The following NUP205 variants were observed in gnomAD, a reference collection of about 807,000 sequenced individuals.
NUP205 encodes the protein nucleoporin 205, also known as nuclear pore complex protein Nup205.
In NUP205, 76 loss-of-function variants were observed where a neutral mutation model predicts 253.8. The ratio of observed to expected loss-of-function variants is 0.30; its 90% CI spans 0.25 to 0.36. NUP205 has a LOEUF of 0.36. Among genes scored for constraint, NUP205 ranks in the 10% least tolerant of loss-of-function variants. The probability of loss-of-function intolerance (pLI) is 1.00; values close to 1 mark genes in which losing one functional copy is unlikely to be tolerated. For missense variants in NUP205, 2,162 were observed against 2,425.5 expected (o/e 0.89, Z 2.28); for synonymous variants, 832 against 850.1 (o/e 0.98, Z 0.37).
Position 135,637,951 on chromosome 7 carries a change from A to G in NUP205, c.5157A>G (p.Leu1719=), listed in dbSNP as rs767918648. 1.2e-6 allele frequency: 2 copies of G among 1,613,986 alleles called. No homozygotes were observed. The highest frequency in any genetic ancestry group is 1.7e-6 in the Non-Finnish European group (2 of 1,179,916). The change falls in exon 37 of 43, where the codon CTA becomes CTG. Residue 1719 remains leucine (L), a synonymous_variant. Transcript: ENST00000285968. ...GTTAGCGCCAGTGCTTAGGACTACT[A>G]AGTCGCTTTGGTGGCTCTGACAGAC... ...GRFQRQCLGL[L]SRFGGSDRLR... is the part of the protein sequence containing the mutation.
At chr7:135,558,551 T>G (rs1160842911) in intron 1 of NUP205, among the ~76,000 whole-genome samples, 2 of 152,262 alleles carry the variant, frequency 1.3e-5, no homozygotes, top group Admixed American at 1.3e-4. Context: ...GCTGTAGATT[T>G]TCGGGGTGGA....
chr7:135,647,025 C>T (rs1400735682), intron 42 of NUP205, among the ~76,000 whole-genome samples: 1 of 152,188 alleles, frequency 6.6e-6, no homozygotes, highest in African/African-American at 2.4e-5. Context: ...AATACAAATC[C>T]CGCCGTCATA....
chr7:135,638,912 A>G (rs1413895122), intron 38 of NUP205, among the ~76,000 whole-genome samples: 1 of 152,220 alleles, frequency 6.6e-6, no homozygotes, highest in East Asian at 1.9e-4. Flanking sequence ...TAGAGGAACC[A>G]TGTTTTGAAT....
intron 1 of NUP205, among the ~76,000 whole-genome samples, chr7:135,570,066 G>T (rs934185568): frequency 2.3e-3 from 338 of 147,476 alleles, no homozygotes; most frequent in Non-Finnish European, 3.0e-3. Context: ...GAGAGAGAGA[G>T]AGAGAGAGAG....
At chr7:135,561,916 C>G (rs1364523696) in intron 1 of NUP205, among the ~76,000 whole-genome samples, 1 of 147,042 alleles carries the variant, frequency 6.8e-6, no homozygotes, top group African/African-American at 2.6e-5. Flanking sequence ...TCCTTCCTTC[C>G]CTCCTTCCTT....
Position 135,577,065 on chromosome 7 carries a change from G to A in NUP205, c.585G>A (p.Val195=), listed in dbSNP as rs562271265. ...TTACGCTGGTGTCACAGATTGATGT[G>A]AATAATGAGTTTGAGAAACTACAGC... ...KVLTLVSQID[V]NNEFEKLQRE... is the part of the protein sequence containing the mutation. The change falls in exon 5 of 43, where the codon GTG becomes GTA. Residue 195 remains valine, a synonymous_variant. Transcript: ENST00000285968. The A allele has an allele frequency of 3.7e-6, 6 of 1,614,042 alleles. No individual in the cohort carries two copies. The South Asian group carries it at 6.6e-5, about 18-fold the overall frequency.
At chr7:135,637,322 G>A (rs1354754475) in intron 36 of NUP205, among the ~76,000 whole-genome samples, 3 of 152,146 alleles carry the variant, frequency 2.0e-5, no homozygotes, top group Non-Finnish European at 2.9e-5. Flanking sequence ...GAAAGCCATC[G>A]GCTAACCTCT....
At chr7:135,582,252 T>C (rs1806327222) in intron 7 of NUP205, among the ~76,000 whole-genome samples, 1 of 152,160 alleles carries the variant, frequency 6.6e-6, no homozygotes, top group African/African-American at 2.4e-5. Context: ...ACCACTGCAC[T>C]CCAGCCTGGG....
At chr7:135,559,194 A>G (rs578073318) in intron 1 of NUP205, among the ~76,000 whole-genome samples, 1 of 152,334 alleles carries the variant, frequency 6.6e-6, no homozygotes, top group Admixed American at 6.5e-5. Context: ...TTAGGTGCTT[A>G]AACTACTTAG....
intron 14 of NUP205, 71 bp from the exon 15 acceptor site, chr7:135,597,927 G>A (rs1379223873): frequency 8.6e-7 from 1 of 1,162,652 alleles, no homozygotes. Flanking sequence ...ATATGTTAAT[G>A]TCTGCATAAT....
intron 15 of NUP205, among the ~76,000 whole-genome samples, chr7:135,598,579 A>G (rs1018984895): frequency 3.9e-5 from 6 of 152,208 alleles, no homozygotes; most frequent in African/African-American, 1.2e-4. Context: ...AGCAGTTTCT[A>G]TTGATTAGTG....
chr7:135,578,752 T>C lies in NUP205; in HGVS notation c.879T>C (p.Asp293=). The change falls in exon 7 of 43, where the codon GAT becomes GAC. Residue 293 remains aspartate, a splice_region_variant and synonymous_variant. Coordinates refer to ENST00000285968, the MANE Select transcript of NUP205 (RefSeq NM_015135.3). ...FIEQSTEERD[D]MIHQLPLLTE... is the part of the protein sequence containing the mutation. ...AGTGGTCTATTTTTGTGTTTTCAGA[T>C]ATGATTCATCAACTTCCACTGTTGA... 1 of 1,591,226 alleles carries C rather than the reference T, an allele frequency of 6.3e-7. No homozygotes were observed. Among genetic ancestry groups the C allele is most frequent in the Admixed American group, 1.8e-5 (1 of 55,184 alleles).
rs748059279 is a variant in NUP205 at position 135,625,147 on chromosome 7, A to G, written c.4480-17A>G. On this transcript the variant is annotated splice_polypyrimidine_tract_variant and intron_variant, in intron 31 of 42. Coordinates refer to ENST00000285968, the MANE Select transcript of NUP205 (RefSeq NM_015135.3). ...TAGCATCTACATGTTTTGGACTTTA[A>G]TTTATTCTTCCTTCAGATGCTGGCC... 1.2e-5 allele frequency: 20 copies of G among 1,601,892 alleles called. No individual in the cohort carries two copies. The highest frequency in any genetic ancestry group is 1.6e-5 in the Non-Finnish European group (19 of 1,176,300).
Position 135,607,380 on chromosome 7 carries a change from A to G in NUP205, c.3195+9A>G. 1 of 1,612,600 alleles carries G rather than the reference A, an allele frequency of 6.2e-7. No homozygotes were observed. Among genetic ancestry groups the G allele is most frequent in the South Asian group, 1.1e-5 (1 of 90,892 alleles). ...CTGAGCTATGTTACCAGGTACACAG[A>G]AAACTGCGTTTTGTGGTACTGAATA... is the stretch of plus-strand genomic sequence containing the variant. On this transcript the variant is annotated intron_variant, in intron 22 of 42. Coordinates refer to ENST00000285968, the MANE Select transcript of NUP205 (RefSeq NM_015135.3).
At chr7:135,637,049 G>A (rs925685025) in intron 36 of NUP205, among the ~76,000 whole-genome samples, 13 of 152,134 alleles carry the variant, frequency 8.5e-5, no homozygotes, top group Non-Finnish European at 1.5e-4. Flanking sequence ...TATTATGTAC[G>A]TGTATACCTC....
intron 38 of NUP205, 58 bp from the exon 39 acceptor site, chr7:135,643,134 G>A: frequency 6.6e-7 from 1 of 1,516,588 alleles, no homozygotes; most frequent in Non-Finnish European, 9.0e-7. Flanking sequence ...CAGGTCATTT[G>A]AAATTCATAT....
intron 7 of NUP205, among the ~76,000 whole-genome samples, chr7:135,581,745 T>C (rs1461617550): frequency 6.6e-6 from 1 of 150,652 alleles, no homozygotes; most frequent in African/African-American, 2.4e-5. Context: ...CCCAGCTGCT[T>C]GGGAGACTGA....
At chr7:135,607,108 CA>C (rs1175341268) in intron 21 of NUP205, 138 bp from the exon 22 acceptor site, 1 of 1,235,316 alleles carries the variant, frequency 8.1e-7, no homozygotes, top group Non-Finnish European at 1.1e-6. Flanking sequence ...CAGCCTTTAT[CA>C]ATTTTCTGTT....
chr7:135,637,917 CT>C lies in NUP205; in HGVS notation c.5137-9del. On this transcript the variant is annotated splice_polypyrimidine_tract_variant and intron_variant, in intron 36 of 42. Coordinates refer to ENST00000285968, the MANE Select transcript of NUP205 (RefSeq NM_015135.3). ...ATTTTAAATACATTTAACAAGATAT[CT>C]TTTTCTTGTTAGCGCCAGTGCTTAG... 1 of 1,596,002 alleles carries C rather than the reference CT, an allele frequency of 6.3e-7. No homozygotes were observed. The highest frequency in any genetic ancestry group is 1.7e-4 in the Middle Eastern group (1 of 5,972).
Sources: allele counts gnomAD v4.1 joint callset (sites outside exome capture counted in the v4.1 genomes callset), GRCh38; gene constraint gnomAD v4.1.1; transcripts MANE v1.5; gene names NCBI Gene and HGNC (gene_info 2026-07-23, HGNC 2026-07-21).